The following ANK1 variants were observed in gnomAD, a reference collection of about 807,000 sequenced individuals.
The protein encoded by ANK1 is ankyrin 1.
Under a neutral mutation model 210.4 loss-of-function variants are expected in ANK1, and 51 were observed. The observed-to-expected ratio is 0.24, with a 90% confidence interval of 0.19 to 0.31. The LOEUF is 0.31. Among genes scored for constraint, ANK1 ranks in the 10% least tolerant of loss-of-function variants. The pLI is 1.00. For missense variants in ANK1, 2,051 were observed against 2,504.4 expected (o/e 0.82, Z 3.86); for synonymous variants, 967 against 1,025.9 (o/e 0.94, Z 1.10).
chr8:41,870,743 C>T (rs574026280), intron 1 of ANK1, among the ~76,000 whole-genome samples: 1 of 152,190 alleles, frequency 6.6e-6, no homozygotes, highest in Non-Finnish European at 1.5e-5. Context: ...ACACGTTAGC[C>T]GAGTCCCTGG....
chr8:41,792,652 T>C (rs1353689257), intron 1 of ANK1, among the ~76,000 whole-genome samples: 2 of 152,064 alleles, frequency 1.3e-5, no homozygotes, highest in Non-Finnish European at 2.9e-5. Context: ...TATATATAAA[T>C]AAGCGGGGAG....
chr8:41,846,538 G>A (rs1177539073), intron 1 of ANK1, among the ~76,000 whole-genome samples: 1 of 152,248 alleles, frequency 6.6e-6, no homozygotes, highest in Non-Finnish European at 1.5e-5. Context: ...TTTGTCCCAG[G>A]AACAGGGGCC....
At chr8:41,735,860 G>A (rs1177144121) in intron 2 of ANK1, among the ~76,000 whole-genome samples, 4 of 152,178 alleles carry the variant, frequency 2.6e-5, no homozygotes, top group Admixed American at 1.3e-4. Flanking sequence ...GAAATGAGAA[G>A]GGGGGCTGCA....
At chr8:41,726,085 T>C in intron 5 of ANK1, 139 bp from the exon 6 acceptor site, 1 of 966,912 alleles carries the variant, frequency 1.0e-6, no homozygotes, top group Non-Finnish European at 1.6e-6. Context: ...GCCCTCTTCA[T>C]CCGCCAAGTT....
Position 41,699,537 on chromosome 8 carries a change from T to G in ANK1, c.2473A>C (p.Ile825Leu), listed in dbSNP as rs1314195800. ...TCCCGCCTCTCAGCCTTGAAGCTGA[T>G]GAGTTCTTCCCCTGAAACAGCAAGA... is the stretch of plus-strand genomic sequence containing the variant. Reference protein sequence around the residue: ...DVSEDEGEELISFKAERRDSR... With the variant: ...DVSEDEGEELLSFKAERRDSR... Residue 825 changes from isoleucine to leucine, a missense_variant, in exon 23 of 43, where the codon ATC (isoleucine) becomes CTC (leucine). Ile to Leu is a conservative substitution (Grantham distance 5). Transcript: ENST00000289734. The G allele has an allele frequency of 5.6e-6, 9 of 1,614,012 alleles. No homozygotes were observed. The Admixed American group carries it at 1.0e-4, about 18-fold the overall frequency.
At chr8:41,770,837 CAT>C (rs1300829312) in intron 1 of ANK1, among the ~76,000 whole-genome samples, 1 of 152,206 alleles carries the variant, frequency 6.6e-6, no homozygotes, top group Non-Finnish European at 1.5e-5. Context: ...GCCCTTGAAA[CAT>C]AAATTCCAGC....
At chr8:41,709,481 A>G (rs2150622987) in intron 16 of ANK1, among the ~76,000 whole-genome samples, 1 of 152,368 alleles carries the variant, frequency 6.6e-6, no homozygotes, top group African/African-American at 2.4e-5. Flanking sequence ...TCCACTGTTA[A>G]CTACCTGTGT....
intron 1 of ANK1, among the ~76,000 whole-genome samples, chr8:41,895,449 G>C (rs1394104375): frequency 1.3e-5 from 2 of 152,186 alleles, no homozygotes; most frequent in Admixed American, 6.5e-5. Flanking sequence ...CTGACCTAAG[G>C]TGCTTCTCAA....
intron 15 of ANK1, among the ~76,000 whole-genome samples, chr8:41,714,643 C>T (rs1351522299): frequency 6.6e-6 from 1 of 152,156 alleles, no homozygotes; most frequent in African/African-American, 2.4e-5. Flanking sequence ...GGAAGATCAC[C>T]TGAGCCCAGA....
At chr8:41,730,030 G>T (rs1429443768) in intron 3 of ANK1, among the ~76,000 whole-genome samples, 3 of 152,272 alleles carry the variant, frequency 2.0e-5, no homozygotes, top group Admixed American at 2.0e-4. Flanking sequence ...ACAGTATGTA[G>T]TTCTTTTTAC....
chr8:41,856,175 A>G (rs1812144522), intron 1 of ANK1, among the ~76,000 whole-genome samples: 2 of 152,252 alleles, frequency 1.3e-5, no homozygotes, highest in African/African-American at 4.8e-5. Context: ...CTTCCAGGGA[A>G]AATGCACTTG....
chr8:41,844,254 G>C (rs1425754476), intron 1 of ANK1, among the ~76,000 whole-genome samples: 2 of 152,158 alleles, frequency 1.3e-5, no homozygotes, highest in Non-Finnish European at 2.9e-5. Flanking sequence ...TATCCCCTCG[G>C]GGAAGTCTAT....
chr8:41,673,026 G>A (rs1449860280), intron 37 of ANK1, 114 bp from the exon 38 acceptor site: 35 of 1,142,720 alleles, frequency 3.1e-5, no homozygotes, highest in Non-Finnish European at 4.3e-5. Flanking sequence ...CCACAGAGAT[G>A]CATGCACATT....
intron 11 of ANK1, among the ~76,000 whole-genome samples, 177 bp downstream of exon 11, chr8:41,717,929 G>A (rs1336537140): frequency 6.6e-6 from 1 of 152,206 alleles, no homozygotes; most frequent in Non-Finnish European, 1.5e-5. Flanking sequence ...AAGGCTCCAT[G>A]AGACTTGACT....
At chr8:41,889,067 CTAGCCT>C (rs1408625260) in intron 1 of ANK1, among the ~76,000 whole-genome samples, 2 of 152,224 alleles carry the variant, frequency 1.3e-5, no homozygotes, top group Non-Finnish European at 2.9e-5. Context: ...TCTTGAACTC[CTAGCCT>C]TAAGTGATCC....
rs1435221971 is a variant in ANK1 at position 41,717,657 on chromosome 8, G to C, written c.1252C>G (p.Pro418Ala). ...LHVASFMGHL[P>A]IVKNLLQRGA... ...CGCTGCAGGAGGTTCTTCACGATGG[G>C]AAGGTGCCCCATGAAGGAGGCCACG... Residue 418 changes from proline to alanine, a missense_variant, in exon 12 of 43, where the codon CCC becomes GCC. Coordinates refer to ENST00000289734, the MANE Select transcript of ANK1 (RefSeq NM_000037.4). 3.2e-6 allele frequency: 5 copies of C among 1,551,698 alleles called. No homozygotes were observed. In the Admixed American group the frequency reaches 9.8e-5, roughly 30 times the overall value.
chr8:41,856,887 T>TTTTTTTTTTTTTG, intron 1 of ANK1, among the ~76,000 whole-genome samples: 1 of 145,774 alleles, frequency 6.9e-6, no homozygotes, highest in African/African-American at 2.6e-5. Context: ...TTTTTTTTTT[T>TTTTTTTTTTTTTG]TTTTTTTTTT....
intron 1 of ANK1, among the ~76,000 whole-genome samples, chr8:41,791,443 CTTTCT>C (rs1392125459): frequency 6.7e-6 from 1 of 149,412 alleles, no homozygotes; most frequent in East Asian, 2.0e-4. Context: ...CTCTCTCTTT[CTTTCT>C]TTTTTTTTTT....
chr8:41,690,707 G>C, intron 31 of ANK1, 108 bp from the exon 32 acceptor site: 1 of 1,503,380 alleles, frequency 6.7e-7, no homozygotes, highest in South Asian at 1.1e-5. Context: ...GCCTCAGCAA[G>C]AGGCATGCGG....
Sources: gnomAD v4.1 joint callset for allele counts (sites outside exome capture counted in the v4.1 genomes callset) on GRCh38, gnomAD v4.1.1 for gene constraint, MANE v1.5 for transcripts, NCBI Gene and HGNC (gene_info 2026-07-23, HGNC 2026-07-21) for gene names.